Variants in MAN1A1 observed in about 807,000 individuals in gnomAD.
The protein encoded by MAN1A1 is mannosyl-oligosaccharide 1,2-alpha-mannosidase IA.
In MAN1A1, 29 loss-of-function variants were observed where a neutral mutation model predicts 70.8. That is an observed-to-expected ratio of 0.41 (90% CI 0.31 to 0.56). MAN1A1 has a LOEUF of 0.56. Among genes scored for constraint, MAN1A1 ranks in the 20% least tolerant of loss-of-function variants. The probability of loss-of-function intolerance (pLI) is 0.29; values close to 1 mark genes in which losing one functional copy is unlikely to be tolerated. For synonymous variants in MAN1A1, 349 were observed against 330.1 expected (o/e 1.06, Z -0.62); for missense variants, 747 against 841.3 (o/e 0.89, Z 1.39).
At chr6:119,283,780 T>C (rs1389085605) in intron 5 of MAN1A1, among the ~76,000 whole-genome samples, 1 of 152,114 alleles carries the variant, frequency 6.6e-6, no homozygotes, top group Non-Finnish European at 1.5e-5. Context: ...AAAGGTAGGC[T>C]GAGGCTGAAT....
intron 8 of MAN1A1, among the ~76,000 whole-genome samples, chr6:119,196,000 C>A (rs1773559814): frequency 6.6e-6 from 1 of 152,068 alleles, no homozygotes; most frequent in South Asian, 2.1e-4. Flanking sequence ...GAGACACATG[C>A]AAGTGATGCG....
intron 2 of MAN1A1, among the ~76,000 whole-genome samples, chr6:119,308,475 C>T (rs1012021346): frequency 5.3e-5 from 8 of 152,082 alleles, no homozygotes; most frequent in Admixed American, 5.2e-4. Flanking sequence ...TGATGAGTCA[C>T]ATACTTAAGG....
intron 2 of MAN1A1, among the ~76,000 whole-genome samples, chr6:119,339,918 T>G (rs1319831872): frequency 1.3e-5 from 2 of 152,018 alleles, no homozygotes; most frequent in East Asian, 3.9e-4. Context: ...TGGGGAAACC[T>G]TGCCTCTACC....
chr6:119,327,102 T>C (rs1411022069), intron 2 of MAN1A1, among the ~76,000 whole-genome samples: 2 of 152,076 alleles, frequency 1.3e-5, no homozygotes, highest in African/African-American at 4.8e-5. Context: ...TTAAGAACAA[T>C]TAAGTTGCCC....
chr6:119,265,249 C>T (rs1775721088), intron 5 of MAN1A1, among the ~76,000 whole-genome samples: 2 of 151,980 alleles, frequency 1.3e-5, no homozygotes, highest in Non-Finnish European at 2.9e-5. Context: ...TACAGGCATG[C>T]ACCAATACAC....
At chr6:119,282,335 AAACAG>A (rs1311169577) in intron 5 of MAN1A1, among the ~76,000 whole-genome samples, 1 of 152,240 alleles carries the variant, frequency 6.6e-6, no homozygotes, top group Non-Finnish European at 1.5e-5. Flanking sequence ...GCAGAGGGAC[AAACAG>A]AACAGATCTG....
At chr6:119,193,937 T>A in intron 8 of MAN1A1, 45 bp from the exon 9 acceptor site, 2 of 1,266,080 alleles carry the variant, frequency 1.6e-6, no homozygotes, top group Non-Finnish European at 2.3e-6. Flanking sequence ...CAGCTTTTAA[T>A]TCAGATAATG....
intron 5 of MAN1A1, among the ~76,000 whole-genome samples, chr6:119,256,593 C>T (rs746502321): frequency 1.8e-4 from 27 of 151,976 alleles, no homozygotes; most frequent in African/African-American, 4.1e-4. Flanking sequence ...GCCATGTTCT[C>T]GTGGCAGTGT....
chr6:119,271,190 G>A (rs1489279569), intron 5 of MAN1A1, among the ~76,000 whole-genome samples: 1 of 152,114 alleles, frequency 6.6e-6, no homozygotes, highest in Non-Finnish European at 1.5e-5. Flanking sequence ...TTACAGGAAG[G>A]AAATTTATCC....
intron 7 of MAN1A1, among the ~76,000 whole-genome samples, chr6:119,203,591 G>A (rs149119572): frequency 6.6e-6 from 1 of 152,202 alleles, no homozygotes; most frequent in Non-Finnish European, 1.5e-5. Flanking sequence ...AGTACACCAG[G>A]TGACCTGATG....
At chr6:119,314,740 C>T (rs974964095) in intron 2 of MAN1A1, among the ~76,000 whole-genome samples, 2 of 152,110 alleles carry the variant, frequency 1.3e-5, no homozygotes, top group Non-Finnish European at 1.5e-5. Context: ...TGACACATGC[C>T]GAATCAGGAC....
At position 119,256,416 on chromosome 6, in the gene MAN1A1, T is replaced by TTA. The variant is rs1488389896; in HGVS notation, c.898-8063_898-8062insTA. On this transcript the variant is annotated intron_variant, in intron 5 of 12. Transcript: ENST00000368468. Reference sequence around the variant, plus strand: ...AATGAATAAAATTGTATCTCATTATTTTTTTTTTTTTCATGAGAGAGGACT... The same window carrying TTA: ...AATGAATAAAATTGTATCTCATTATTTATTTTTTTTTTTCATGAGAGAGGACT... 4.0e-5 allele frequency among the ~76,000 whole-genome samples: 6 copies of TTA among 150,156 alleles called. No homozygotes were observed. The East Asian group carries it at 1.2e-3, about 29-fold the overall frequency.
intron 6 of MAN1A1, among the ~76,000 whole-genome samples, chr6:119,227,229 A>C (rs1386838193): frequency 6.6e-6 from 1 of 152,228 alleles, no homozygotes; most frequent in African/African-American, 2.4e-5. Flanking sequence ...ACTAATGTAT[A>C]CTGACAGCAA....
intron 6 of MAN1A1, among the ~76,000 whole-genome samples, chr6:119,212,338 A>G (rs1235860753): frequency 6.6e-6 from 1 of 152,120 alleles, no homozygotes; most frequent in African/African-American, 2.4e-5. Flanking sequence ...ATTATACCAA[A>G]AGTAATGGTA....
At chr6:119,326,568 T>TA (rs1773152557) in intron 2 of MAN1A1, among the ~76,000 whole-genome samples, 2 of 152,210 alleles carry the variant, frequency 1.3e-5, no homozygotes, top group Non-Finnish European at 2.9e-5. Context: ...TTCACACTGT[T>TA]ATAAACAACT....
chr6:119,290,088 T>C (rs1053837377), intron 5 of MAN1A1, among the ~76,000 whole-genome samples: 1 of 151,972 alleles, frequency 6.6e-6, no homozygotes. Flanking sequence ...AAAAATCCTT[T>C]CTTAATCTAT....
chr6:119,290,614 G>T, intron 5 of MAN1A1, 69 bp downstream of exon 5: 1 of 1,019,736 alleles, frequency 9.8e-7, no homozygotes, highest in Non-Finnish European at 1.5e-6. Flanking sequence ...GTCACGAATG[G>T]CATATTTTAC....
At chr6:119,241,165 C>A (rs970421228) in intron 6 of MAN1A1, among the ~76,000 whole-genome samples, 1 of 151,840 alleles carries the variant, frequency 6.6e-6, no homozygotes, top group Non-Finnish European at 1.5e-5. Flanking sequence ...AAAAAAAGTA[C>A]AAGGGGAAAA....
intron 5 of MAN1A1, among the ~76,000 whole-genome samples, chr6:119,253,494 C>T (rs1451600440): frequency 6.6e-6 from 1 of 152,182 alleles, no homozygotes; most frequent in Non-Finnish European, 1.5e-5. Flanking sequence ...CTCTTGCCAA[C>T]CCATTACCAC....
Sources: allele counts gnomAD v4.1 joint callset (sites outside exome capture counted in the v4.1 genomes callset), GRCh38; gene constraint gnomAD v4.1.1; transcripts MANE v1.5; gene names NCBI Gene and HGNC (gene_info 2026-07-23, HGNC 2026-07-21).